The following CIDEA variants were observed in gnomAD, a reference collection of about 807,000 sequenced individuals.
CIDEA encodes the protein cell death inducing DFFA like effector a.
A neutral mutation model predicts 18.2 loss-of-function variants in CIDEA; 10 were observed. The observed-to-expected ratio is 0.55, with a 90% CI of 0.34 to 0.93. The LOEUF (loss-of-function observed/expected upper bound fraction) is 0.93. Ranked by LOEUF, CIDEA falls within the 40% of genes least tolerant of loss-of-function variation. The pLI, the probability that CIDEA is intolerant of heterozygous loss-of-function variation, is 0.02. For missense variants in CIDEA, 309 were observed against 293.1 expected, an observed-to-expected ratio of 1.05 and a Z score of -0.40; for synonymous variants, 128 against 124.8, an observed-to-expected ratio of 1.03 and a Z score of -0.17.
chr18:12,277,161 C>T lies in CIDEA; in HGVS notation c.551C>T (p.Thr184Met), dbSNP rs374773954. ...TTCCTGTCCTACTCCGCCCAGGTGA[C>T]GGGACAGTTTCTCATCTATCTGGGC... Reference protein sequence around the residue: ...LRFLSYSAQVTGQFLIYLGTY... With the variant: ...LRFLSYSAQVMGQFLIYLGTY... Residue 184 changes from threonine (T) to methionine (M), a missense_variant, in exon 5 of 5, where the codon ACG (threonine) becomes ATG (methionine). Thr to Met is a moderately conservative substitution (Grantham distance 81). Coordinates refer to ENST00000320477, the MANE Select transcript of CIDEA (RefSeq NM_001279.4). 96 of 1,614,036 alleles carry T rather than the reference C, an allele frequency of 5.9e-5. No individual in the cohort carries two copies. Among genetic ancestry groups the T allele is most frequent in the Non-Finnish European group, 7.5e-5 (89 of 1,180,032 alleles).
At chr18:12,276,137 G>T (rs912181929) in intron 4 of CIDEA, among the ~76,000 whole-genome samples, 1 of 151,690 alleles carries the variant, frequency 6.6e-6, no homozygotes, top group African/African-American at 2.4e-5. Flanking sequence ...GAGATTACAG[G>T]CATGCACCAC....
At chr18:12,273,615 C>A (rs1912612681) in intron 3 of CIDEA, among the ~76,000 whole-genome samples, 1 of 152,204 alleles carries the variant, frequency 6.6e-6, no homozygotes, top group Non-Finnish European at 1.5e-5. Context: ...AAGGTGCCCA[C>A]TCTGCCCTCA....
chr18:12,269,229 T>C (rs1029070388), intron 3 of CIDEA, among the ~76,000 whole-genome samples: 1 of 152,268 alleles, frequency 6.6e-6, no homozygotes. Flanking sequence ...TCTGGCTTAA[T>C]AGAAGATTCT....
At chr18:12,254,554 C>T in intron 1 of CIDEA, 133 bp downstream of exon 1, 2 of 909,082 alleles carry the variant, frequency 2.2e-6, no homozygotes, top group Non-Finnish European at 3.0e-6. Context: ...TTCTCTTGCG[C>T]TCCGCGACCC....
intron 4 of CIDEA, among the ~76,000 whole-genome samples, chr18:12,275,192 G>A (rs368700610): frequency 7.9e-5 from 12 of 152,104 alleles, no homozygotes; most frequent in East Asian, 5.8e-4. Context: ...GCGTGGTGGC[G>A]GATGCCTGTA....
At chr18:12,266,256 C>T (rs1912345336) in intron 3 of CIDEA, among the ~76,000 whole-genome samples, 2 of 151,892 alleles carry the variant, frequency 1.3e-5, no homozygotes, top group African/African-American at 4.8e-5. Flanking sequence ...TAAGAAAATA[C>T]CAGCCTGAGC....
chr18:12,255,481 C>T (rs1029670485), intron 1 of CIDEA, among the ~76,000 whole-genome samples: 2 of 152,146 alleles, frequency 1.3e-5, no homozygotes, highest in African/African-American at 2.4e-5. Flanking sequence ...CAAGTCGGGG[C>T]GGTGGCAGGG....
intron 3 of CIDEA, among the ~76,000 whole-genome samples, chr18:12,269,691 C>T (rs1378016329): frequency 6.6e-6 from 1 of 152,022 alleles, no homozygotes; most frequent in Non-Finnish European, 1.5e-5. Context: ...TTATTATGGC[C>T]TTTCTTTCTC....
rs912071035 is a variant in CIDEA, at chr18:12,262,860, T to A, written c.74T>A (p.Val25Asp). 5 of 1,613,992 alleles carry A rather than the reference T, an allele frequency of 3.1e-6. No individual in the cohort carries two copies. Among genetic ancestry groups the A allele is most frequent in the Non-Finnish European group, 4.2e-6 (5 of 1,180,026 alleles). The stretch of plus-strand genomic sequence containing the variant: ...TTTATGGGATCACAGACTAAGCGAG[T>A]CCTGTTCACCCCGCTCATGCATCCA... The part of the protein sequence containing the change: ...LTFMGSQTKR[V>D]LFTPLMHPAR... Residue 25 changes from valine to aspartate, a missense_variant, in exon 2 of 5, where the codon GTC (valine) becomes GAC (aspartate). Transcript: ENST00000320477.
At chr18:12,264,171 C>A in intron 2 of CIDEA, 136 bp from the exon 3 acceptor site, 1 of 768,116 alleles carries the variant, frequency 1.3e-6, no homozygotes, top group Non-Finnish European at 2.0e-6. Flanking sequence ...AGACACAAGT[C>A]AAGGTTACCT....
intron 4 of CIDEA, among the ~76,000 whole-genome samples, chr18:12,275,857 G>A (rs752195919): frequency 6.6e-5 from 10 of 152,118 alleles, no homozygotes; most frequent in Admixed American, 3.3e-4. Context: ...CCTTTTTGCC[G>A]GGTTAGGAGA....
intron 1 of CIDEA, among the ~76,000 whole-genome samples, chr18:12,256,872 T>C (rs1360928725): frequency 2.0e-5 from 3 of 152,220 alleles, no homozygotes; most frequent in African/African-American, 7.2e-5. Context: ...CACTTGATAA[T>C]GTCAAGCCTT....
chr18:12,269,697 TTC>T (rs1349906913), intron 3 of CIDEA, among the ~76,000 whole-genome samples: 2 of 152,148 alleles, frequency 1.3e-5, no homozygotes, highest in Non-Finnish European at 2.9e-5. Context: ...TGGCCTTTCT[TTC>T]TCTTTTTCTT....
rs748879130 is a variant in CIDEA, at chr18:12,273,595, G to C, written c.331-498G>C. Reference sequence around the variant, plus strand: ...CCTGGGGGGTTATTAAAACACAGAGGTGCTCTGGGAAGGTGCCCACTCTGC... The same window carrying C: ...CCTGGGGGGTTATTAAAACACAGAGCTGCTCTGGGAAGGTGCCCACTCTGC... On this transcript the variant is annotated intron_variant, in intron 3 of 4. Transcript: ENST00000320477. 7.2e-5 allele frequency among the ~76,000 whole-genome samples: 11 copies of C among 152,164 alleles called. 1 individual carries two copies. Among genetic ancestry groups the C allele is most frequent in the Non-Finnish European group, 1.0e-4 (7 of 68,038 alleles).
chr18:12,275,517 G>T (rs1326719918), intron 4 of CIDEA, among the ~76,000 whole-genome samples: 1 of 152,216 alleles, frequency 6.6e-6, no homozygotes, highest in Non-Finnish European at 1.5e-5. Context: ...GATTGCAGTA[G>T]AAAGGTCTTC....
intron 3 of CIDEA, among the ~76,000 whole-genome samples, chr18:12,270,617 G>A (rs1490025510): frequency 6.9e-6 from 1 of 144,888 alleles, no homozygotes; most frequent in Non-Finnish European, 1.5e-5. Context: ...GAACCTGGGA[G>A]TTGGAGGTGC....
chr18:12,273,063 G>T (rs536207243), intron 3 of CIDEA, among the ~76,000 whole-genome samples: 21 of 152,102 alleles, frequency 1.4e-4, no homozygotes, highest in South Asian at 4.2e-4. Context: ...ACATACCCCA[G>T]ATCTATTCAA....
At chr18:12,274,371 G>A (rs45608743) in intron 4 of CIDEA, 97 bp downstream of exon 4, 57,931 of 1,171,222 alleles carry the variant, frequency 0.049, 1,648 homozygotes, top group Non-Finnish European at 0.061. Context: ...CTCCCAGGCC[G>A]GCTAGCACTG....
chr18:12,274,353 C>A, intron 4 of CIDEA, 79 bp downstream of exon 4: 1 of 1,396,536 alleles, frequency 7.2e-7, no homozygotes, highest in Non-Finnish European at 1.0e-6. Flanking sequence ...CCACCCTGTT[C>A]CTCTGGGCTC....
Sources: gnomAD v4.1 joint callset for allele counts (sites outside exome capture counted in the v4.1 genomes callset) on GRCh38, gnomAD v4.1.1 for gene constraint, MANE v1.5 for transcripts, NCBI Gene and HGNC (gene_info 2026-07-23, HGNC 2026-07-21) for gene names.